The following SHB variants were observed in gnomAD, a reference collection of about 807,000 sequenced individuals.
SHB encodes SH2 domain-containing adapter protein B.
Under a neutral mutation model 52.3 loss-of-function variants are expected in SHB, and 20 were observed. The ratio of observed to expected loss-of-function variants is 0.38; its 90% CI spans 0.27 to 0.56. SHB has a LOEUF of 0.56. Ranked by LOEUF, SHB falls within the 20% of genes least tolerant of loss-of-function variation. The probability of loss-of-function intolerance (pLI) is 0.71; values close to 1 mark genes in which losing one functional copy is unlikely to be tolerated. For synonymous variants in SHB, 397 were observed against 316.5 expected (o/e 1.25, Z -2.70); for missense variants, 825 against 723.3 (o/e 1.14, Z -1.61).
chr9:37,985,553 G>A (rs774078927), intron 2 of SHB, among the ~76,000 whole-genome samples: 1 of 152,264 alleles, frequency 6.6e-6, no homozygotes, highest in East Asian at 1.9e-4. Context: ...TCACTGAGGC[G>A]AGCTTGCTGC....
At chr9:38,034,148 T>C (rs1821452860) in intron 1 of SHB, among the ~76,000 whole-genome samples, 1 of 152,194 alleles carries the variant, frequency 6.6e-6, no homozygotes, top group Non-Finnish European at 1.5e-5. Flanking sequence ...CCTCTCACCC[T>C]GCGGGCAAGC....
intron 1 of SHB, among the ~76,000 whole-genome samples, chr9:38,065,020 C>T (rs990881449): frequency 1.7e-4 from 26 of 152,098 alleles, no homozygotes; most frequent in African/African-American, 5.3e-4. Context: ...GAGGCTAAGG[C>T]GGGAGGATTG....
At chr9:37,939,710 CGA>C (rs1436404887) in intron 5 of SHB, among the ~76,000 whole-genome samples, 8 of 152,184 alleles carry the variant, frequency 5.3e-5, no homozygotes, top group African/African-American at 1.7e-4. Context: ...GTTTCTATTC[CGA>C]GAGACCCCAC....
intron 4 of SHB, among the ~76,000 whole-genome samples, chr9:37,954,294 G>A (rs1832603362): frequency 6.6e-6 from 1 of 152,234 alleles, no homozygotes; most frequent in South Asian, 2.1e-4. Flanking sequence ...TGCTCACCGA[G>A]TGAGAATTTC....
At chr9:37,972,207 A>G (rs1018298723) in intron 3 of SHB, among the ~76,000 whole-genome samples, 7 of 152,186 alleles carry the variant, frequency 4.6e-5, no homozygotes, top group Non-Finnish European at 1.0e-4. Flanking sequence ...AAGTTGTCAC[A>G]TGAGCCTTTT....
chr9:38,040,780 G>A (rs1821565427), intron 1 of SHB, among the ~76,000 whole-genome samples: 1 of 152,100 alleles, frequency 6.6e-6, no homozygotes, highest in Non-Finnish European at 1.5e-5. Context: ...GGAGTTTGGG[G>A]ATAGATTTTG....
At chr9:37,974,539 T>C in intron 3 of SHB, 83 bp downstream of exon 3, 1 of 1,178,538 alleles carries the variant, frequency 8.5e-7, no homozygotes. Context: ...ACCCTGGAGT[T>C]TGTCCTGAGC....
intron 1 of SHB, among the ~76,000 whole-genome samples, chr9:38,058,742 TAGATCTC>T (rs962655774): frequency 1.6e-4 from 25 of 152,282 alleles, no homozygotes; most frequent in Non-Finnish European, 2.9e-4. Context: ...CTCAGTCATA[TAGATCTC>T]TGCATTGCTC....
intron 5 of SHB, among the ~76,000 whole-genome samples, chr9:37,947,647 C>T (rs1054663554): frequency 6.6e-6 from 1 of 152,214 alleles, no homozygotes; most frequent in Non-Finnish European, 1.5e-5. Context: ...AGGGGTCAGT[C>T]GTGAGCAGAG....
chr9:38,012,152 C>A (rs1447414350), intron 2 of SHB, among the ~76,000 whole-genome samples: 1 of 152,184 alleles, frequency 6.6e-6, no homozygotes, highest in Non-Finnish European at 1.5e-5. Context: ...TCCCCACCAC[C>A]TGCTGCATGG....
chr9:37,992,730 T>C (rs1820897935), intron 2 of SHB, among the ~76,000 whole-genome samples: 1 of 152,156 alleles, frequency 6.6e-6, no homozygotes. Flanking sequence ...GTAAATGAAC[T>C]AGACAGCACC....
At chr9:37,952,716 G>A (rs1268799936) in intron 4 of SHB, among the ~76,000 whole-genome samples, 1 of 151,792 alleles carries the variant, frequency 6.6e-6, no homozygotes, top group Non-Finnish European at 1.5e-5. Flanking sequence ...GCTGGTGTCC[G>A]GCAAAAAAAG....
intron 4 of SHB, among the ~76,000 whole-genome samples, chr9:37,955,420 G>A (rs1832617237): frequency 6.6e-6 from 1 of 152,086 alleles, no homozygotes; most frequent in South Asian, 2.1e-4. Flanking sequence ...TATACACAGA[G>A]GGGGAGGTAG....
At chr9:37,950,473 G>T (rs1832552756) in intron 4 of SHB, among the ~76,000 whole-genome samples, 1 of 152,166 alleles carries the variant, frequency 6.6e-6, no homozygotes, top group African/African-American at 2.4e-5. Flanking sequence ...AAACTGCAGG[G>T]AAAGAATAAA....
intron 2 of SHB, among the ~76,000 whole-genome samples, chr9:37,983,783 G>A (rs1820769617): frequency 6.6e-6 from 1 of 152,238 alleles, no homozygotes; most frequent in Admixed American, 6.5e-5. Context: ...CGAGACGCCA[G>A]GGTTGCAGGT....
chr9:38,011,240 GC>G (rs1247643924), intron 2 of SHB, among the ~76,000 whole-genome samples: 1 of 152,172 alleles, frequency 6.6e-6, no homozygotes, highest in African/African-American at 2.4e-5. Context: ...AGGAGGCTTG[GC>G]CTGGGGATTC....
chr9:37,955,114 T>C (rs1832613503), intron 4 of SHB, among the ~76,000 whole-genome samples: 1 of 152,204 alleles, frequency 6.6e-6, no homozygotes, highest in Admixed American at 6.5e-5. Context: ...CGACTGTAGC[T>C]AGAAAATAAA....
intron 5 of SHB, among the ~76,000 whole-genome samples, chr9:37,925,529 C>T (rs755135464): frequency 2.2e-4 from 34 of 152,344 alleles, no homozygotes; most frequent in Middle Eastern, 6.8e-3. Context: ...GCCACTCAGC[C>T]GCCCAGTGTC....
chr9:38,032,377 T>C (rs10973646), intron 1 of SHB, among the ~76,000 whole-genome samples: 90,679 of 152,100 alleles, frequency 0.6, 27,165 homozygotes, highest in Middle Eastern at 0.67. Flanking sequence ...TCTCCTGGGC[T>C]ACCTACAGCC....
Sources: allele counts gnomAD v4.1 joint callset (sites outside exome capture counted in the v4.1 genomes callset), GRCh38; gene constraint gnomAD v4.1.1; transcripts MANE v1.5; gene names NCBI Gene and HGNC (gene_info 2026-07-23, HGNC 2026-07-21).